ARHGAP24: variants seen among roughly 807,000 people sequenced by gnomAD.
The protein encoded by ARHGAP24 is rho GTPase-activating protein 24.
A neutral mutation model predicts 76.4 loss-of-function variants in ARHGAP24; 50 were observed. That is an observed-to-expected ratio of 0.65 (90% CI 0.52 to 0.83). The LOEUF is 0.83. ARHGAP24 is among the 40% of genes least tolerant of loss of function. The probability of loss-of-function intolerance (pLI) is 0.00; values close to 1 mark genes in which losing one functional copy is unlikely to be tolerated. For missense variants in ARHGAP24, 930 were observed against 914.2 expected (o/e 1.02, Z -0.22); for synonymous variants, 345 against 323.3 (o/e 1.07, Z -0.72).
intron 2 of ARHGAP24, among the ~76,000 whole-genome samples, chr4:85,614,778 A>G (rs1720493744): frequency 6.6e-6 from 1 of 152,078 alleles, no homozygotes; most frequent in African/African-American, 2.4e-5. Context: ...TATCACATTA[A>G]TTCCTTTTGA....
chr4:85,590,192 G>GCCTGCCTGCCTTCCTT (rs1560543834), intron 2 of ARHGAP24, among the ~76,000 whole-genome samples: 4 of 111,238 alleles, frequency 3.6e-5, no homozygotes, highest in Admixed American at 1.0e-4. Flanking sequence ...CTGCCTGCCT[G>GCCTGCCTGCCTTCCTT]CCTTCCTTCC....
intron 2 of ARHGAP24, among the ~76,000 whole-genome samples, chr4:85,600,188 G>T (rs1370492507): frequency 6.6e-6 from 1 of 152,148 alleles, no homozygotes; most frequent in African/African-American, 2.4e-5. Flanking sequence ...GTGGGTTATG[G>T]GCACTGAAAG....
rs537008219 is a variant in ARHGAP24 at position 85,735,579 on chromosome 4, ATCC to A, written c.268+13609_268+13611del. ...TAGGACACTAACTTTCTTAGTTTTC[ATCC>A]TACTCTATTGTCCCTGTCTCTTAGT... On this transcript the variant is annotated intron_variant, in intron 3 of 9. Coordinates refer to ENST00000395184, the MANE Select transcript of ARHGAP24 (RefSeq NM_001025616.3). Among the ~76,000 whole-genome samples, 340 of 152,200 alleles carry A rather than the reference ATCC, an allele frequency of 2.2e-3. 3 individuals carry two copies. Among genetic ancestry groups the A allele is most frequent in the Non-Finnish European group, 3.6e-3 (247 of 68,000 alleles).
chr4:85,877,393 G>A (rs1431107003), intron 3 of ARHGAP24, among the ~76,000 whole-genome samples: 1 of 152,170 alleles, frequency 6.6e-6, no homozygotes, highest in African/African-American at 2.4e-5. Flanking sequence ...GGGAGGCCCA[G>A]GCAAGTGGAT....
At chr4:85,710,412 T>C (rs937331778) in intron 2 of ARHGAP24, among the ~76,000 whole-genome samples, 72 of 152,200 alleles carry the variant, frequency 4.7e-4, no homozygotes, top group African/African-American at 1.7e-3. Flanking sequence ...ATTCTGGACA[T>C]AGGAATAGGC....
intron 3 of ARHGAP24, among the ~76,000 whole-genome samples, chr4:85,889,712 A>G (rs1016816049): frequency 6.6e-6 from 1 of 152,202 alleles, no homozygotes; most frequent in Non-Finnish European, 1.5e-5. Context: ...TCCAAACATT[A>G]ATTCTCCTGA....
At chr4:85,663,078 G>T (rs550437737) in intron 2 of ARHGAP24, among the ~76,000 whole-genome samples, 1 of 151,976 alleles carries the variant, frequency 6.6e-6, no homozygotes, top group Admixed American at 6.5e-5. Context: ...GCTTGATGGG[G>T]ATGGCATTGA....
chr4:85,580,962 G>C (rs919620964), intron 2 of ARHGAP24, among the ~76,000 whole-genome samples: 5 of 152,020 alleles, frequency 3.3e-5, no homozygotes, highest in African/African-American at 1.2e-4. Context: ...AAAAACCTAT[G>C]TTATACTCTT....
intron 2 of ARHGAP24, among the ~76,000 whole-genome samples, chr4:85,627,087 T>C (rs776516870): frequency 1.3e-5 from 2 of 152,226 alleles, no homozygotes; most frequent in Non-Finnish European, 2.9e-5. Flanking sequence ...TCAGTCATTC[T>C]CTTTCCAGCT....
chr4:85,788,294 A>G (rs1344636355), intron 3 of ARHGAP24, among the ~76,000 whole-genome samples: 2 of 152,240 alleles, frequency 1.3e-5, no homozygotes, highest in Non-Finnish European at 2.9e-5. Flanking sequence ...ATAAAAAAAT[A>G]AGGAAGTTAT....
chr4:85,833,454 G>A (rs967736193), intron 3 of ARHGAP24, among the ~76,000 whole-genome samples: 7 of 151,100 alleles, frequency 4.6e-5, no homozygotes, highest in South Asian at 2.1e-4. Context: ...ATGACCTCCC[G>A]TACTGTTTCA....
intron 3 of ARHGAP24, among the ~76,000 whole-genome samples, chr4:85,817,886 A>G (rs1187587491): frequency 6.6e-6 from 1 of 152,192 alleles, no homozygotes; most frequent in Non-Finnish European, 1.5e-5. Flanking sequence ...ATCACTCTTT[A>G]GATTTGATCT....
chr4:85,495,289 G>A (rs1440222210), intron 1 of ARHGAP24, among the ~76,000 whole-genome samples: 1 of 150,228 alleles, frequency 6.7e-6, no homozygotes, highest in Non-Finnish European at 1.5e-5. Flanking sequence ...GCGGCTAGTA[G>A]AAGCTGAAAA....
intron 1 of ARHGAP24, among the ~76,000 whole-genome samples, chr4:85,485,377 ATAT>A (rs1460482060): frequency 0.015 from 153 of 10,356 alleles, 10 homozygotes; most frequent in Non-Finnish European, 0.019. Context: ...AAAAAAAAAA[ATAT>A]ATATATATAT....
chr4:85,925,539 A>G (rs1308762079), intron 4 of ARHGAP24, among the ~76,000 whole-genome samples: 3 of 151,844 alleles, frequency 2.0e-5, no homozygotes, highest in Non-Finnish European at 4.4e-5. Flanking sequence ...GCTACAGTAC[A>G]ATGAAATATC....
chr4:85,993,563 G>A (rs1297180512), intron 8 of ARHGAP24, among the ~76,000 whole-genome samples: 2 of 152,108 alleles, frequency 1.3e-5, no homozygotes, highest in Admixed American at 6.6e-5. Context: ...CTTGCCTCAG[G>A]TCAGGTTTCT....
At position 85,565,100 on chromosome 4, in the gene ARHGAP24, C is replaced by G. The variant is rs71599416; in HGVS notation, c.-20-5422C>G. On this transcript the variant is annotated intron_variant, in intron 1 of 9. Transcript: ENST00000395184. ...TTTTTGTAGTGTGAACAGTCATGTA[C>G]AGAAAGGATATACCTAGCACGTAGA... 7.6e-3 allele frequency among the ~76,000 whole-genome samples: 1,149 copies of G among 151,430 alleles called. 6 individuals carry two copies. The highest frequency in any genetic ancestry group is 0.014 in the Non-Finnish European group (926 of 67,834).
chr4:85,521,215 T>C (rs554925933), intron 1 of ARHGAP24, among the ~76,000 whole-genome samples: 71 of 152,270 alleles, frequency 4.7e-4, no homozygotes, highest in African/African-American at 1.7e-3. Context: ...GTTGTTTCAC[T>C]GATAAGCAGC....
At position 85,723,628 on chromosome 4, in the gene ARHGAP24, G is replaced by A. The variant is rs142731429; in HGVS notation, c.268+1656G>A. 3.9e-5 allele frequency: 6 copies of A among 152,306 alleles called. No individual in the cohort carries two copies. In the East Asian group the frequency reaches 1.2e-3, roughly 29 times the overall value. The allele number at this position is 152,306 out of a possible 1,614,324, so 9.4% of individuals were successfully genotyped here. ...AGTATGTGAGTAGATCATTTGAAAAGATGCTTCCTGAATTATTAATACAGT... is the reference window on the plus strand; with the variant it reads ...AGTATGTGAGTAGATCATTTGAAAAAATGCTTCCTGAATTATTAATACAGT... On this transcript the variant is annotated intron_variant, in intron 3 of 9. Transcript: ENST00000395184.
Sources: allele counts gnomAD v4.1 joint callset (sites outside exome capture counted in the v4.1 genomes callset), GRCh38; gene constraint gnomAD v4.1.1; transcripts MANE v1.5; gene names NCBI Gene and HGNC (gene_info 2026-07-23, HGNC 2026-07-21).